The following SORCS2 variants were observed in gnomAD, a reference collection of about 807,000 sequenced individuals.
SORCS2 encodes the protein VPS10 domain-containing receptor SorCS2.
SORCS2 carries 100 observed loss-of-function variants against 141.6 expected under a neutral mutation model. The ratio of observed to expected loss-of-function variants is 0.71; its 90% CI spans 0.60 to 0.83. The LOEUF (loss-of-function observed/expected upper bound fraction) is 0.83, where lower values mean the gene tolerates loss of function less well. Ranked by LOEUF, SORCS2 falls within the 40% of genes least tolerant of loss-of-function variation. SORCS2 has a pLI of 0.00. For missense variants in SORCS2, 1,646 were observed against 1,560.2 expected, an observed-to-expected ratio of 1.05 and a Z score of -0.93; for synonymous variants, 789 against 676.9, an observed-to-expected ratio of 1.17 and a Z score of -2.57.
intron 1 of SORCS2, among the ~76,000 whole-genome samples, chr4:7,360,571 C>CTTTTTTTTTTTTTTTTTTTTT (rs753548897): frequency 2.0e-5 from 1 of 49,282 alleles, no homozygotes; most frequent in Non-Finnish European, 3.2e-5. Flanking sequence ...CCAGTCCCTT[C>CTTTTTTTTTTTTTTTTTTTTT]TTTTTTTTTT....
intron 3 of SORCS2, among the ~76,000 whole-genome samples, chr4:7,541,166 G>T (rs1037065379): frequency 2.0e-5 from 3 of 152,230 alleles, no homozygotes; most frequent in Admixed American, 2.0e-4. Flanking sequence ...GGAGCCAAAG[G>T]GTGCCATGTC....
intron 3 of SORCS2, among the ~76,000 whole-genome samples, chr4:7,539,689 A>ATGGAGGCCCCGCCCCCCGTTG (rs1712419633): frequency 1.3e-5 from 2 of 150,896 alleles, no homozygotes; most frequent in East Asian, 4.0e-4. Context: ...GACCCCCGTT[A>ATGGAGGCCCCGCCCCCCGTTG]TGGAGGCCCC....
chr4:7,470,264 CCCATCCTG>C (rs1212189986), intron 2 of SORCS2, among the ~76,000 whole-genome samples: 1 of 151,070 alleles, frequency 6.6e-6, no homozygotes, highest in Non-Finnish European at 1.5e-5. Context: ...CTCCCATCCT[CCCATCCTG>C]CCATCCTCCC....
At chr4:7,376,900 C>G (rs1451969725) in intron 1 of SORCS2, among the ~76,000 whole-genome samples, 1 of 152,038 alleles carries the variant, frequency 6.6e-6, no homozygotes, top group Non-Finnish European at 1.5e-5. Flanking sequence ...CTGACCCCCA[C>G]CCCCACCCAG....
chr4:7,338,174 T>TGTC (rs1720118000), intron 1 of SORCS2, among the ~76,000 whole-genome samples: 1 of 38,612 alleles, frequency 2.6e-5, no homozygotes, highest in African/African-American at 1.2e-4. Flanking sequence ...GATGGATGGA[T>TGTC]GGATGGATGT....
chr4:7,619,588 T>C (rs1719014562), intron 3 of SORCS2, among the ~76,000 whole-genome samples: 1 of 152,162 alleles, frequency 6.6e-6, no homozygotes, highest in Admixed American at 6.5e-5. Context: ...TGGTGCCCAA[T>C]GACTGTGGTC....
chr4:7,530,820 C>T (rs774966610), intron 2 of SORCS2, among the ~76,000 whole-genome samples: 4 of 152,356 alleles, frequency 2.6e-5, no homozygotes, highest in East Asian at 1.9e-4. Flanking sequence ...CTCAGATTCT[C>T]ACTTGGCCAG....
rs969909981 is a variant in SORCS2, at chr4:7,631,019, G to A, written c.649-7309G>A. Among the ~76,000 whole-genome samples, 5 of 150,566 alleles carry A rather than the reference G, an allele frequency of 3.3e-5. No individual in the cohort carries two copies. In the South Asian group the frequency reaches 8.6e-4, roughly 26 times the overall value. Reference sequence around the variant, plus strand: ...CAGAGCTCTAGCGAGGCGAGAAGTGGTTTCTGGATGCTGTTTGTTTTCCTT... The same window carrying A: ...CAGAGCTCTAGCGAGGCGAGAAGTGATTTCTGGATGCTGTTTGTTTTCCTT... On this transcript the variant is annotated intron_variant, in intron 3 of 26. Coordinates refer to ENST00000507866, the MANE Select transcript of SORCS2 (RefSeq NM_020777.3).
intron 3 of SORCS2, among the ~76,000 whole-genome samples, chr4:7,536,987 G>A (rs1345681721): frequency 6.6e-6 from 1 of 152,168 alleles, no homozygotes; most frequent in Non-Finnish European, 1.5e-5. Context: ...CATGGTGCTT[G>A]AACCCAGGCC....
At chr4:7,350,189 G>A (rs940787983) in intron 1 of SORCS2, among the ~76,000 whole-genome samples, 66 of 152,308 alleles carry the variant, frequency 4.3e-4, no homozygotes, top group African/African-American at 1.3e-3. Flanking sequence ...CACTCTGTGC[G>A]AATTTCCCTG....
At chr4:7,410,926 C>A (rs975229147) in intron 2 of SORCS2, among the ~76,000 whole-genome samples, 1 of 150,094 alleles carries the variant, frequency 6.7e-6, no homozygotes, top group African/African-American at 2.4e-5. Context: ...AGCCCCTGGG[C>A]CCAGCAGCCT....
intron 1 of SORCS2, among the ~76,000 whole-genome samples, chr4:7,258,584 G>A (rs1306918429): frequency 6.6e-6 from 1 of 152,134 alleles, no homozygotes; most frequent in Non-Finnish European, 1.5e-5. Flanking sequence ...CTTTGCTATT[G>A]TGAACAGTGC....
At chr4:7,707,006 A>G (rs141226118) in intron 14 of SORCS2, among the ~76,000 whole-genome samples, 3 of 152,240 alleles carry the variant, frequency 2.0e-5, no homozygotes, top group East Asian at 1.9e-4. Flanking sequence ...CTGCTTGACA[A>G]TTAAAGAAAC....
chr4:7,692,600 A>G (rs1724325077), intron 11 of SORCS2, among the ~76,000 whole-genome samples: 2 of 152,198 alleles, frequency 1.3e-5, no homozygotes, highest in African/African-American at 4.8e-5. Flanking sequence ...GAAGGAGCTA[A>G]GACTCAGCTG....
chr4:7,458,630 T>C (rs1369107457), intron 2 of SORCS2, among the ~76,000 whole-genome samples: 4 of 152,208 alleles, frequency 2.6e-5, no homozygotes, highest in Admixed American at 1.3e-4. Flanking sequence ...CTCGCTTTCA[T>C]TTATTTGCTC....
At chr4:7,340,456 C>T (rs753629227) in intron 1 of SORCS2, among the ~76,000 whole-genome samples, 2 of 152,240 alleles carry the variant, frequency 1.3e-5, no homozygotes, top group African/African-American at 2.4e-5. Context: ...GGAGGGCAGC[C>T]CGGATCCTGG....
chr4:7,663,174 T>A lies in SORCS2; in HGVS notation c.953-1179T>A, dbSNP rs1260874908. On this transcript the variant is annotated intron_variant, in intron 6 of 26. Coordinates refer to ENST00000507866, the MANE Select transcript of SORCS2 (RefSeq NM_020777.3). The surrounding 1 kb of genome is among the most constrained non-coding windows in gnomAD (Gnocchi z 4.8). The stretch of plus-strand genomic sequence containing the variant: ...AAAGAGTGAGTGAGTGAATGAGTGA[T>A]GAGTGAATGAGTGAGTGAGTGAAGA... Among the ~76,000 whole-genome samples the A allele has an allele frequency of 6.7e-6, 1 of 149,908 alleles. No individual in the cohort carries two copies. Among genetic ancestry groups the A allele is most frequent in the African/African-American group, 2.5e-5 (1 of 40,312 alleles).
In SORCS2 at chr4:7,619,945, T is replaced by C. The variant is rs62277507; in HGVS notation, c.649-18383T>C. 2.6e-3 allele frequency among the ~76,000 whole-genome samples: 402 copies of C among 152,222 alleles called. 1 individual carries two copies. The highest frequency in any genetic ancestry group is 4.3e-3 in the Non-Finnish European group (294 of 68,008). The stretch of plus-strand genomic sequence containing the variant: ...AGCCCCTGCCCCTGCCCCTGCCCTG[T>C]CCCCAGGCACCTGGTCTCGCTCACT... On this transcript the variant is annotated intron_variant, in intron 3 of 26. Transcript: ENST00000507866.
intron 1 of SORCS2, among the ~76,000 whole-genome samples, chr4:7,267,813 C>T (rs1714850554): frequency 1.3e-5 from 2 of 152,154 alleles, no homozygotes; most frequent in Admixed American, 6.5e-5. Flanking sequence ...GCCTGGGCAA[C>T]AAAGCGAGAC....
Sources: gnomAD v4.1 joint callset for allele counts (sites outside exome capture counted in the v4.1 genomes callset) on GRCh38, gnomAD v4.1.1 for gene constraint, Gnocchi (gnomAD v3.1) non-coding constraint, MANE v1.5 for transcripts, NCBI Gene and HGNC (gene_info 2026-07-23, HGNC 2026-07-21) for gene names.